The following FGFR1 variants were observed in gnomAD, a reference collection of about 807,000 sequenced individuals.
FGFR1 encodes the protein FGFR1/PLAG1 fusion.
In FGFR1, 18 loss-of-function variants were observed where a neutral mutation model predicts 93.7. The ratio of observed to expected loss-of-function variants is 0.19; its 90% CI spans 0.13 to 0.28. The LOEUF is 0.28. Ranked by LOEUF, FGFR1 falls within the 10% of genes least tolerant of loss-of-function variation. The pLI, the probability that FGFR1 is intolerant of heterozygous loss-of-function variation, is 1.00. For missense variants in FGFR1, 731 were observed against 1,080.4 expected, an observed-to-expected ratio of 0.68 and a Z score of 4.53; for synonymous variants, 448 against 429.3, an observed-to-expected ratio of 1.04 and a Z score of -0.54.
chr8:38,449,176 C>T (rs1830312243), intron 2 of FGFR1, among the ~76,000 whole-genome samples: 1 of 151,864 alleles, frequency 6.6e-6, no homozygotes, highest in Non-Finnish European at 1.5e-5. Context: ...GGGAAGGCTT[C>T]AAAAGGGAGG....
rs1405495634 is a variant in FGFR1, at chr8:38,411,152, C to A, written c.*2476G>T. 1 of 192,310 alleles carries A rather than the reference C, an allele frequency of 5.2e-6. No individual in the cohort carries two copies. Among genetic ancestry groups the A allele is most frequent in the Non-Finnish European group, 1.1e-5 (1 of 92,006 alleles). 11.9% of individuals were successfully genotyped at this position (192,310 alleles called of 1,614,324 possible). On this transcript the variant is annotated 3_prime_UTR_variant, in exon 18 of 18. Transcript: ENST00000447712. ...TTCATTTTCTCTCAGGTCAATTTCACTGTCTTTTATTTGACAGCTAGCGCA... is the reference window on the plus strand; with the variant it reads ...TTCATTTTCTCTCAGGTCAATTTCAATGTCTTTTATTTGACAGCTAGCGCA...
intron 13 of FGFR1, 136 bp downstream of exon 13, chr8:38,415,733 GA>G (rs1816289484): frequency 1.1e-6 from 1 of 902,598 alleles, no homozygotes; most frequent in African/African-American, 1.6e-5. Flanking sequence ...GAGAGCCTAA[GA>G]CAACACACAG....
At chr8:38,455,074 C>T (rs982305190) in intron 2 of FGFR1, among the ~76,000 whole-genome samples, 1 of 145,962 alleles carries the variant, frequency 6.9e-6, no homozygotes, top group African/African-American at 2.5e-5. Context: ...CTCCCAGGTT[C>T]AAGTGATCCT....
chr8:38,437,450 T>C (rs184735148), intron 2 of FGFR1, among the ~76,000 whole-genome samples: 3 of 152,282 alleles, frequency 2.0e-5, no homozygotes, highest in Non-Finnish European at 4.4e-5. Context: ...ATGGAGAATG[T>C]CAGGACCAAG....
intron 16 of FGFR1, 52 bp downstream of exon 16, chr8:38,414,100 C>T (rs1310349235): frequency 6.2e-7 from 1 of 1,614,136 alleles, no homozygotes; most frequent in Non-Finnish European, 8.5e-7. Context: ...CCCTCAAGCC[C>T]ACTCTTGCCC....
At chr8:38,439,272 TG>T (rs2151090584) in intron 2 of FGFR1, among the ~76,000 whole-genome samples, 1 of 152,188 alleles carries the variant, frequency 6.6e-6, no homozygotes, top group Non-Finnish European at 1.5e-5. Context: ...TCGCAGCACA[TG>T]GGGTGATGAG....
In FGFR1 at chr8:38,424,414, C is replaced by T. The variant is rs1386139007; in HGVS notation, c.936+95G>A. The T allele has an allele frequency of 7.5e-6, 10 of 1,338,890 alleles. No individual in the cohort carries two copies. The highest frequency in any genetic ancestry group is 1.1e-5 in the Non-Finnish European group (10 of 932,534). The allele number at this position is 1,338,890 out of a possible 1,614,324, so 82.9% of individuals were successfully genotyped here. Reference sequence around the variant, plus strand: ...CTGAAGCGTGAGGAATGATCCCATTCGGGGGCAACTGAGCCTGCCCACAGG... The same window carrying T: ...CTGAAGCGTGAGGAATGATCCCATTTGGGGGCAACTGAGCCTGCCCACAGG... On this transcript the variant is annotated intron_variant, in intron 7 of 17. Transcript: ENST00000447712. This position sits in a 1 kb window ranked among gnomAD's most constrained non-coding sequence, Gnocchi z 4.3.
At position 38,432,913 on chromosome 8, in the gene FGFR1, C is replaced by A. The variant is rs562398334; in HGVS notation, c.92-2965G>T. Among the ~76,000 whole-genome samples the A allele has an allele frequency of 1.1e-4, 15 of 137,664 alleles. 1 individual carries two copies. Among genetic ancestry groups the A allele is most frequent in the Admixed American group, 2.9e-4 (4 of 13,850 alleles). The allele number at this position is 137,664 out of a possible 152,430, so 90.3% of individuals were successfully genotyped here. A position where few individuals can be genotyped will look rare whatever the true frequency, so the allele number is the denominator to read the frequency against. On this transcript the variant is annotated intron_variant, in intron 2 of 17. Coordinates refer to ENST00000447712, the MANE Select transcript of FGFR1 (RefSeq NM_023110.3). Reference sequence around the variant, plus strand: ...GGGCTGTCCCTCCCCACCGCGCCCCCCCCCCTCCCCAGTTGGGATGCTTTC... The same window carrying A: ...GGGCTGTCCCTCCCCACCGCGCCCCACCCCCTCCCCAGTTGGGATGCTTTC...
chr8:38,437,238 C>A (rs192922927), intron 2 of FGFR1, among the ~76,000 whole-genome samples: 62 of 152,224 alleles, frequency 4.1e-4, no homozygotes, highest in Non-Finnish European at 4.4e-4. Context: ...GATGAGACCC[C>A]AGTTCTCAAA....
At chr8:38,414,394 G>T in intron 15 of FGFR1, 105 bp from the exon 16 acceptor site, 1 of 1,580,350 alleles carries the variant, frequency 6.3e-7, no homozygotes, top group South Asian at 1.1e-5. Context: ...ATGGAGAACA[G>T]ATCAGCCTTT....
At chr8:38,439,519 G>A (rs1014883505) in intron 2 of FGFR1, among the ~76,000 whole-genome samples, 5 of 152,100 alleles carry the variant, frequency 3.3e-5, no homozygotes, top group Admixed American at 1.3e-4. Context: ...GGACTGCACA[G>A]GGCTCACAAG....
rs1455296966 is a variant in FGFR1 at position 38,448,278 on chromosome 8, A to G, written c.91+9078T>C. Among the ~76,000 whole-genome samples, 3 of 136,352 alleles carry G rather than the reference A, an allele frequency of 2.2e-5. 1 individual carries two copies. Among genetic ancestry groups the G allele is most frequent in the Admixed American group, 1.5e-4 (2 of 13,524 alleles). 89.5% of individuals were successfully genotyped at this position (136,352 alleles called of 152,430 possible). A position where few individuals can be genotyped will look rare whatever the true frequency, so the allele number is the denominator to read the frequency against. ...ACCCAGATTATCTAACAAAACACCA[A>G]TTTTTTTTTTTTTTTTTTTGAGACG... On this transcript the variant is annotated intron_variant, in intron 2 of 17. Coordinates refer to ENST00000447712, the MANE Select transcript of FGFR1 (RefSeq NM_023110.3).
chr8:38,450,934 A>C (rs1027876053), intron 2 of FGFR1, among the ~76,000 whole-genome samples: 116 of 152,098 alleles, frequency 7.6e-4, no homozygotes, highest in African/African-American at 2.8e-3. Flanking sequence ...ATTCTCTCAC[A>C]GGCCGAGGGC....
At chr8:38,445,597 G>T (rs1242351067) in intron 2 of FGFR1, among the ~76,000 whole-genome samples, 1 of 151,986 alleles carries the variant, frequency 6.6e-6, no homozygotes, top group Non-Finnish European at 1.5e-5. Context: ...GGAGTGCAAT[G>T]GTGCAATCTT....
Position 38,416,008 on chromosome 8 carries a change from G to A in FGFR1, c.1716C>T (p.Tyr572=), listed in dbSNP as rs1433093151. 1 of 1,613,900 alleles carries A rather than the reference G, an allele frequency of 6.2e-7. No individual in the cohort carries two copies. The highest frequency in any genetic ancestry group is 2.2e-5 in the East Asian group (1 of 44,874). ...EYASKGNLRE[Y]LQARRPPGLE... ...GCCCTGGGGGCCTCCGGGCCTGCAG[G>A]TACTCCCGCAGGTTGCCCTTGGAGG... The change falls in exon 13 of 18, where the codon TAC becomes TAT. Residue 572 remains tyrosine, a synonymous_variant. Transcript: ENST00000447712.
chr8:38,465,713 C>T (rs1835344030), intron 1 of FGFR1: 1 of 221,514 alleles, frequency 4.5e-6, no homozygotes, highest in Admixed American at 5.8e-5. Flanking sequence ...GACCAAGGCG[C>T]GTCCCACGGG....
In FGFR1 at chr8:38,429,592, G is replaced by A. The variant is rs1050711387; in HGVS notation, c.358+90C>T. On this transcript the variant is annotated intron_variant, in intron 3 of 17. Transcript: ENST00000447712. This position sits in a 1 kb window ranked among gnomAD's most constrained non-coding sequence, Gnocchi z 4.4. Reference sequence around the variant, plus strand: ...AGCAGAGTGGGGGCAGATCACGGAGGGGGAGGAGGTTCACCTTCCTCTGAA... The same window carrying A: ...AGCAGAGTGGGGGCAGATCACGGAGAGGGAGGAGGTTCACCTTCCTCTGAA... 19 of 1,360,578 alleles carry A rather than the reference G, an allele frequency of 1.4e-5. No homozygotes were observed. Among genetic ancestry groups the A allele is most frequent in the African/African-American group, 2.9e-5 (2 of 69,554 alleles). 84.3% of individuals were successfully genotyped at this position (1,360,578 alleles called of 1,614,324 possible). A position where few individuals can be genotyped will look rare whatever the true frequency, so the allele number is the denominator to read the frequency against.
intron 2 of FGFR1, among the ~76,000 whole-genome samples, chr8:38,444,053 A>C (rs1266902288): frequency 9.9e-5 from 4 of 40,584 alleles, no homozygotes; most frequent in East Asian, 6.6e-4. Flanking sequence ...AACTGTCTCA[A>C]AAAAAAAAAA....
intron 7 of FGFR1, among the ~76,000 whole-genome samples, chr8:38,422,495 C>T (rs1242826635): frequency 6.6e-6 from 1 of 152,218 alleles, no homozygotes; most frequent in African/African-American, 2.4e-5. Context: ...CAGCCTCGAC[C>T]TAAGCTCAGG....
Sources: gnomAD v4.1 joint callset for allele counts (sites outside exome capture counted in the v4.1 genomes callset) on GRCh38, gnomAD v4.1.1 for gene constraint, Gnocchi (gnomAD v3.1) non-coding constraint, MANE v1.5 for transcripts, NCBI Gene and HGNC (gene_info 2026-07-23, HGNC 2026-07-21) for gene names.